The following BTRC variants were observed in gnomAD, a reference collection of about 807,000 sequenced individuals.
The protein encoded by BTRC is F-box/WD repeat-containing protein 1A.
BTRC carries 42 observed loss-of-function variants against 85.5 expected under a neutral mutation model. The observed-to-expected ratio is 0.49, with a 90% CI of 0.38 to 0.64. BTRC has a LOEUF of 0.64. BTRC is among the 30% of genes least tolerant of loss of function. The pLI is 0.00. For missense variants in BTRC, 594 were observed against 743.5 expected (o/e 0.80, Z 2.34); for synonymous variants, 255 against 263.3 (o/e 0.97, Z 0.30).
intron 1 of BTRC, among the ~76,000 whole-genome samples, chr10:101,405,267 A>G (rs1338619691): frequency 2.6e-5 from 4 of 151,900 alleles, no homozygotes; most frequent in African/African-American, 9.7e-5. Flanking sequence ...AAAAAAAAGC[A>G]ATGAGGTTTT....
rs887809152 is a variant in BTRC at position 101,555,158 on chromosome 10, A to G, written c.*2035A>G. The G allele has an allele frequency of 3.9e-5, 6 of 152,652 alleles. No individual in the cohort carries two copies. The East Asian group carries it at 5.8e-4, about 15-fold the overall frequency. 9.5% of individuals were successfully genotyped at this position (152,652 alleles called of 1,614,324 possible). A position where few individuals can be genotyped will look rare whatever the true frequency, so the allele number is the denominator to read the frequency against. Reference sequence around the variant, plus strand: ...TTTTTGATTGGGTAAGGATTTTGCTATAGATGAAGGTAGAGGGCTGTCAGC... The same window carrying G: ...TTTTTGATTGGGTAAGGATTTTGCTGTAGATGAAGGTAGAGGGCTGTCAGC... On this transcript the variant is annotated 3_prime_UTR_variant, in exon 15 of 15. Coordinates refer to ENST00000370187, the MANE Select transcript of BTRC (RefSeq NM_033637.4).
At chr10:101,382,958 A>G (rs1942973294) in intron 1 of BTRC, among the ~76,000 whole-genome samples, 1 of 152,098 alleles carries the variant, frequency 6.6e-6, no homozygotes, top group Non-Finnish European at 1.5e-5. Flanking sequence ...GCAACACACT[A>G]CTAAAGCTGC....
chr10:101,531,991 G>A (rs1317792453), intron 7 of BTRC, among the ~76,000 whole-genome samples: 2 of 152,280 alleles, frequency 1.3e-5, no homozygotes. Context: ...AGCACTGAGT[G>A]TATAACCTCA....
chr10:101,525,281 A>G (rs1226699868), intron 5 of BTRC, among the ~76,000 whole-genome samples: 1 of 152,130 alleles, frequency 6.6e-6, no homozygotes, highest in Non-Finnish European at 1.5e-5. Context: ...ACCTCCTACA[A>G]AATATTCTCT....
chr10:101,415,231 A>G (rs1330702899), intron 1 of BTRC, among the ~76,000 whole-genome samples: 1 of 151,844 alleles, frequency 6.6e-6, no homozygotes, highest in East Asian at 1.9e-4. Flanking sequence ...GCTGGAGTGC[A>G]GTGGTGAGAT....
intron 1 of BTRC, among the ~76,000 whole-genome samples, chr10:101,413,460 C>T (rs1015957053): frequency 6.6e-6 from 1 of 152,184 alleles, no homozygotes; most frequent in African/African-American, 2.4e-5. Context: ...ACTACAGGCA[C>T]CTGCCACCAC....
intron 1 of BTRC, among the ~76,000 whole-genome samples, chr10:101,387,693 A>AT (rs953044368): frequency 3.0e-4 from 41 of 137,830 alleles, no homozygotes; most frequent in East Asian, 8.5e-4. Context: ...CACCCGGCTG[A>AT]TTTTTTTTTT....
chr10:101,406,241 A>C (rs1564751364), intron 1 of BTRC, among the ~76,000 whole-genome samples: 2 of 149,364 alleles, frequency 1.3e-5, no homozygotes, highest in South Asian at 4.2e-4. Flanking sequence ...CAGTGGCGCT[A>C]TCTCAGCTCA....
In BTRC at chr10:101,534,037, A is replaced by G. The variant is rs190159109; in HGVS notation, c.1098-624A>G. Among the ~76,000 whole-genome samples, 482 of 152,364 alleles carry G rather than the reference A, an allele frequency of 3.2e-3. 1 individual carries two copies. Among genetic ancestry groups the G allele is most frequent in the Non-Finnish European group, 5.4e-3 (370 of 68,034 alleles). On this transcript the variant is annotated intron_variant, in intron 9 of 14. Coordinates refer to ENST00000370187, the MANE Select transcript of BTRC (RefSeq NM_033637.4). ...ATGTTATAAAACCTTAAGTAAATAC[A>G]CAAAAATAGAATAATCAAAATATAT...
At chr10:101,518,270 C>T (rs1360521811) in intron 4 of BTRC, among the ~76,000 whole-genome samples, 4 of 152,172 alleles carry the variant, frequency 2.6e-5, no homozygotes, top group Non-Finnish European at 4.4e-5. Flanking sequence ...TAAAGGACCA[C>T]ATAGCAGTGG....
intron 1 of BTRC, among the ~76,000 whole-genome samples, chr10:101,363,927 T>C (rs1469905816): frequency 6.6e-6 from 1 of 152,144 alleles, no homozygotes; most frequent in Non-Finnish European, 1.5e-5. Context: ...GCGTTTAGAA[T>C]CACAAAATAC....
intron 1 of BTRC, among the ~76,000 whole-genome samples, chr10:101,361,180 C>T (rs1411880198): frequency 6.6e-6 from 1 of 152,142 alleles, no homozygotes; most frequent in East Asian, 1.9e-4. Flanking sequence ...GATCTCAGCT[C>T]ACTGCAACCT....
At chr10:101,388,220 G>A (rs926415210) in intron 1 of BTRC, among the ~76,000 whole-genome samples, 1 of 152,054 alleles carries the variant, frequency 6.6e-6, no homozygotes, top group East Asian at 1.9e-4. Context: ...AGAGGGTAGT[G>A]GTACAATCAT....
intron 1 of BTRC, among the ~76,000 whole-genome samples, chr10:101,401,385 T>C (rs113520556): frequency 1.3e-5 from 2 of 152,080 alleles, no homozygotes; most frequent in African/African-American, 4.8e-5. Context: ...AAGGGGAGAA[T>C]AAAGATACCA....
intron 2 of BTRC, among the ~76,000 whole-genome samples, chr10:101,441,268 T>A (rs1186424270): frequency 6.6e-6 from 1 of 152,256 alleles, no homozygotes; most frequent in African/African-American, 2.4e-5. Flanking sequence ...TTTCTTCTTA[T>A]GTATTATGCA....
rs7904237 is a variant in BTRC at position 101,527,765 on chromosome 10, C to G, written c.743+1566C>G. Among the ~76,000 whole-genome samples, 3 of 30,540 alleles carry G rather than the reference C, an allele frequency of 9.8e-5. No individual in the cohort carries two copies. In the African/African-American group the frequency reaches 2.3e-3, roughly 23 times the overall value. The allele number at this position is 30,540 out of a possible 152,430, so 20.0% of individuals were successfully genotyped here. On this transcript the variant is annotated intron_variant, in intron 6 of 14. Transcript: ENST00000370187. ...CAAGACCCTGTCTCTTTCTCTGTCT[C>G]TCTCTCTCTCTCTCTCTCTCTCTCT...
rs1491534353 is a variant in BTRC at position 101,366,829 on chromosome 10, T to TA, written c.48+12601_48+12602insA. On this transcript the variant is annotated intron_variant, in intron 1 of 14. Coordinates refer to ENST00000370187, the MANE Select transcript of BTRC (RefSeq NM_033637.4). Reference sequence around the variant, plus strand: ...ATATATTTATATATATTAATATATATTTATATATATTTATGTATATTAATA... The same window carrying TA: ...ATATATTTATATATATTAATATATATATTATATATATTTATGTATATTAATA... Among the ~76,000 whole-genome samples, 444 of 39,134 alleles carry TA rather than the reference T, an allele frequency of 0.011. 33 individuals carry two copies. In the East Asian group the frequency reaches 0.15, roughly 13 times the overall value. The allele number at this position is 39,134 out of a possible 152,430, so 25.7% of individuals were successfully genotyped here.
At chr10:101,540,161 T>C (rs1206158054) in intron 13 of BTRC, among the ~76,000 whole-genome samples, 2 of 152,240 alleles carry the variant, frequency 1.3e-5, no homozygotes, top group Non-Finnish European at 2.9e-5. Context: ...TTATGGCCTA[T>C]GTTACTTGCT....
At chr10:101,543,309 TA>T (rs1227006986) in intron 13 of BTRC, among the ~76,000 whole-genome samples, 1 of 152,236 alleles carries the variant, frequency 6.6e-6, no homozygotes, top group East Asian at 1.9e-4. Context: ...TTTGGGAAAT[TA>T]ATACTTTGAT....
Sources: allele counts gnomAD v4.1 joint callset (sites outside exome capture counted in the v4.1 genomes callset), GRCh38; gene constraint gnomAD v4.1.1; transcripts MANE v1.5; gene names NCBI Gene and HGNC (gene_info 2026-07-23, HGNC 2026-07-21).